The following KLF7 variants were observed in gnomAD, a reference collection of about 807,000 sequenced individuals.
The protein encoded by KLF7 is KLF transcription factor 7.
A neutral mutation model predicts 27.3 loss-of-function variants in KLF7; 2 were observed. The ratio of observed to expected loss-of-function variants is 0.07; its 90% confidence interval spans 0.03 to 0.23. KLF7 has a LOEUF of 0.23. KLF7 is among the 10% of genes least tolerant of loss of function. KLF7 has a pLI of 1.00. For synonymous variants in KLF7, 165 were observed against 162.4 expected (o/e 1.02, Z -0.12); for missense variants, 221 against 394.1 (o/e 0.56, Z 3.72).
At chr2:207,114,571 C>T (rs2105952018) in intron 2 of KLF7, among the ~76,000 whole-genome samples, 1 of 152,312 alleles carries the variant, frequency 6.6e-6, no homozygotes, top group East Asian at 1.9e-4. Flanking sequence ...CAAGCTTTTT[C>T]TTGGTTCTAT....
chr2:207,166,989 G>C (rs926819905), upstream of KLF7: 30 of 810,014 alleles, frequency 3.7e-5, no homozygotes, highest in Admixed American at 4.8e-5. Flanking sequence ...CCCCGAGCGA[G>C]AGACCTGGTC....
intron 1 of KLF7, among the ~76,000 whole-genome samples, chr2:207,159,288 G>GC (rs1224875211): frequency 6.6e-6 from 1 of 152,150 alleles, no homozygotes; most frequent in African/African-American, 2.4e-5. Context: ...AAAGTATCCA[G>GC]CCCACAACAT....
chr2:207,116,718 T>G (rs888826111), intron 2 of KLF7, among the ~76,000 whole-genome samples: 2 of 152,232 alleles, frequency 1.3e-5, no homozygotes, highest in Non-Finnish European at 2.9e-5. Context: ...CAATGTCATT[T>G]TTTCATTTAC....
intron 1 of KLF7, among the ~76,000 whole-genome samples, chr2:207,133,620 G>A (rs972948177): frequency 2.0e-5 from 3 of 152,166 alleles, no homozygotes; most frequent in Non-Finnish European, 4.4e-5. Flanking sequence ...GCTTGTGTCA[G>A]GCAGGGCCTG....
intron 1 of KLF7, among the ~76,000 whole-genome samples, chr2:207,152,655 T>C (rs946698039): frequency 1.3e-5 from 2 of 152,118 alleles, no homozygotes; most frequent in Non-Finnish European, 1.5e-5. Context: ...GATTTGGAAA[T>C]TGCTTTATAA....
In KLF7 at chr2:207,091,098, G is replaced by A. The variant is rs144548988; in HGVS notation, c.734-2517C>T. Among the ~76,000 whole-genome samples, 5 of 152,232 alleles carry A rather than the reference G, an allele frequency of 3.3e-5. No homozygotes were observed. The East Asian group carries it at 9.7e-4, about 29-fold the overall frequency. On this transcript the variant is annotated intron_variant, in intron 2 of 3. Coordinates refer to ENST00000309446, the MANE Select transcript of KLF7 (RefSeq NM_003709.4). ...CCAGAATCAATCCCAAAATCGAACT[G>A]ACTTGTCTATCACAGGCAACCACAT... is the stretch of plus-strand genomic sequence containing the variant.
intron 1 of KLF7, among the ~76,000 whole-genome samples, chr2:207,125,594 A>T (rs1366966196): frequency 6.6e-6 from 1 of 152,202 alleles, no homozygotes; most frequent in Non-Finnish European, 1.5e-5. Context: ...GTATCTGTCA[A>T]GGATTTTATT....
intron 2 of KLF7, among the ~76,000 whole-genome samples, chr2:207,114,316 C>A (rs2077119749): frequency 6.6e-6 from 1 of 152,162 alleles, no homozygotes; most frequent in South Asian, 2.1e-4. Flanking sequence ...TATGAGGGAT[C>A]ATTATTTCCT....
At chr2:207,081,808 T>C (rs916160199) in intron 3 of KLF7, among the ~76,000 whole-genome samples, 1 of 150,784 alleles carries the variant, frequency 6.6e-6, no homozygotes, top group East Asian at 1.9e-4. Context: ...GAAATACTGC[T>C]TGTGATACTA....
At chr2:207,142,894 T>A (rs570548245) in intron 1 of KLF7, among the ~76,000 whole-genome samples, 3 of 152,196 alleles carry the variant, frequency 2.0e-5, no homozygotes, top group Non-Finnish European at 4.4e-5. Flanking sequence ...TGGGTTAAGC[T>A]TTGCCAACGC....
At chr2:207,097,208 AT>A (rs2076652160) in intron 2 of KLF7, among the ~76,000 whole-genome samples, 1 of 152,138 alleles carries the variant, frequency 6.6e-6, no homozygotes, top group African/African-American at 2.4e-5. Flanking sequence ...TTGTAAAGGT[AT>A]TTAATAACTT....
intron 1 of KLF7, chr2:207,149,090 T>C (rs2078173132): frequency 7.9e-7 from 1 of 1,262,820 alleles, no homozygotes; most frequent in African/African-American, 1.6e-5. Context: ...CATCAGCTCT[T>C]AGGGACTGAT....
chr2:207,139,042 A>G (rs928214899), intron 1 of KLF7, among the ~76,000 whole-genome samples: 1 of 152,152 alleles, frequency 6.6e-6, no homozygotes, highest in South Asian at 2.1e-4. Context: ...CTTTTTGCGA[A>G]GGTAGGGGAT....
chr2:207,124,493 CAG>C (rs1460323203), intron 1 of KLF7, 89 bp from the exon 2 acceptor site: 1 of 1,316,612 alleles, frequency 7.6e-7, no homozygotes, highest in Non-Finnish European at 1.0e-6. Flanking sequence ...GGGGAAGGTG[CAG>C]AGAGAATGGT....
chr2:207,149,172 T>G, intron 1 of KLF7: 1 of 1,288,524 alleles, frequency 7.8e-7, no homozygotes, highest in African/African-American at 1.5e-5. Context: ...TGGTGTGTTT[T>G]CTTTTTGGAG....
intron 2 of KLF7, among the ~76,000 whole-genome samples, chr2:207,120,151 A>C (rs1399230096): frequency 6.6e-6 from 1 of 152,148 alleles, no homozygotes; most frequent in African/African-American, 2.4e-5. Flanking sequence ...CCTAGCTACC[A>C]ATGTGAACAT....
At chr2:207,096,250 CT>C (rs138413721) in intron 2 of KLF7, among the ~76,000 whole-genome samples, 1,853 of 152,342 alleles carry the variant, frequency 0.012, 44 homozygotes, top group African/African-American at 0.041. Context: ...CTCCCCACCC[CT>C]GGCTTTTATT....
chr2:207,133,468 C>A (rs1202821660), intron 1 of KLF7, among the ~76,000 whole-genome samples: 1 of 152,214 alleles, frequency 6.6e-6, no homozygotes, highest in Non-Finnish European at 1.5e-5. Context: ...AAGGAGAGGA[C>A]TCTAAGCAGT....
At chr2:207,088,386 C>A (rs1032692702) in intron 3 of KLF7, 72 bp downstream of exon 3, 7 of 1,524,938 alleles carry the variant, frequency 4.6e-6, no homozygotes, top group Non-Finnish European at 5.4e-6. Flanking sequence ...TCCAAGCACA[C>A]GGGTGCTGCT....
Sources: gnomAD v4.1 joint callset for allele counts (sites outside exome capture counted in the v4.1 genomes callset) on GRCh38, gnomAD v4.1.1 for gene constraint, MANE v1.5 for transcripts, NCBI Gene and HGNC (gene_info 2026-07-23, HGNC 2026-07-21) for gene names.